Variants in SLC24A2 observed in about 807,000 individuals in gnomAD.
The protein encoded by SLC24A2 is solute carrier family 24 member 2, also known as sodium/potassium/calcium exchanger 2.
In SLC24A2, 36 loss-of-function variants were observed where a neutral mutation model predicts 62.0. The observed-to-expected ratio is 0.58, with a 90% CI of 0.44 to 0.77. The LOEUF is 0.77. Among genes scored for constraint, SLC24A2 ranks in the 30% least tolerant of loss-of-function variants. SLC24A2 has a pLI of 0.00. For synonymous variants in SLC24A2, 358 were observed against 294.0 expected (o/e 1.22, Z -2.23); for missense variants, 846 against 817.9 (o/e 1.03, Z -0.42).
At chr9:20,019,559 C>T in the SLC24A2 span, among the ~76,000 whole-genome samples, 2 of 152,146 alleles carry the variant, frequency 1.3e-5, no homozygotes, top group South Asian at 2.1e-4. Context: ...TGGTACCATA[C>T]AAAAACTAAC....
intron 2 of SLC24A2, among the ~76,000 whole-genome samples, chr9:19,702,777 A>T (rs1175682584): frequency 6.6e-6 from 1 of 152,158 alleles, no homozygotes; most frequent in Non-Finnish European, 1.5e-5. Flanking sequence ...TAAAATTTAA[A>T]TGTTTATTTA....
chr9:19,694,458 A>T (rs972564791), intron 2 of SLC24A2, among the ~76,000 whole-genome samples: 2 of 152,204 alleles, frequency 1.3e-5, no homozygotes, highest in Non-Finnish European at 2.9e-5. Context: ...TCGAGGACTT[A>T]TAATTTATTT....
the SLC24A2 span, among the ~76,000 whole-genome samples, chr9:19,830,667 G>A: frequency 1.3e-5 from 2 of 152,150 alleles, no homozygotes; most frequent in Non-Finnish European, 2.9e-5. Context: ...CAGCTCTGCA[G>A]TGTGGCAGAT....
the SLC24A2 span, among the ~76,000 whole-genome samples, chr9:20,238,738 G>C: frequency 6.6e-6 from 1 of 152,162 alleles, no homozygotes; most frequent in Admixed American, 6.6e-5. Context: ...TCAAATGTTT[G>C]TATTCTTCCA....
At position 19,542,655 on chromosome 9, in the gene SLC24A2, A is replaced by G. The variant is rs531136133; in HGVS notation, c.1479+7482T>C. 7.9e-5 allele frequency among the ~76,000 whole-genome samples: 12 copies of G among 152,254 alleles called. No homozygotes were observed. The South Asian group carries it at 2.5e-3, about 32-fold the overall frequency. ...AATTTTTTAGGATGAAGGGTGTTGA[A>G]TTTTTGTTGAAGGACTTTTCTGCAT... On this transcript the variant is annotated intron_variant, in intron 8 of 10. Coordinates refer to ENST00000341998, the MANE Select transcript of SLC24A2 (RefSeq NM_020344.4).
At chr9:19,893,653 G>A in the SLC24A2 span, among the ~76,000 whole-genome samples, 2 of 152,102 alleles carry the variant, frequency 1.3e-5, no homozygotes, top group Non-Finnish European at 2.9e-5. Flanking sequence ...ATATATAGGA[G>A]GAAACTGAGT....
At chr9:19,948,481 A>G in the SLC24A2 span, among the ~76,000 whole-genome samples, 1 of 152,372 alleles carries the variant, frequency 6.6e-6, no homozygotes, top group Non-Finnish European at 1.5e-5. Context: ...TAAAATAAAT[A>G]TATGTGAGAA....
intron 2 of SLC24A2, among the ~76,000 whole-genome samples, chr9:19,724,474 G>C (rs902343004): frequency 1.2e-4 from 19 of 152,280 alleles, no homozygotes; most frequent in African/African-American, 4.3e-4. Context: ...AGATGAACTG[G>C]GGAAATGTCT....
the SLC24A2 span, among the ~76,000 whole-genome samples, chr9:19,992,936 C>T: frequency 2.0e-4 from 31 of 152,284 alleles, no homozygotes; most frequent in East Asian, 5.2e-3. Flanking sequence ...CAAAGTCCTA[C>T]CAAAACATCT....
chr9:19,974,275 T>C, the SLC24A2 span, among the ~76,000 whole-genome samples: 1 of 152,180 alleles, frequency 6.6e-6, no homozygotes, highest in African/African-American at 2.4e-5. Flanking sequence ...AGAAGTACAG[T>C]GATTTAACAC....
At chr9:19,853,032 T>G in the SLC24A2 span, among the ~76,000 whole-genome samples, 1 of 152,118 alleles carries the variant, frequency 6.6e-6, no homozygotes, top group African/African-American at 2.4e-5. Flanking sequence ...GGTCCTTCAC[T>G]TCCCTTGTTA....
At chr9:19,935,669 T>C in the SLC24A2 span, among the ~76,000 whole-genome samples, 1 of 152,162 alleles carries the variant, frequency 6.6e-6, no homozygotes, top group Non-Finnish European at 1.5e-5. Context: ...GGTAGGTTCC[T>C]TGGCTGCCAC....
chr9:19,999,077 A>G, the SLC24A2 span, among the ~76,000 whole-genome samples: 1 of 152,178 alleles, frequency 6.6e-6, no homozygotes, highest in African/African-American at 2.4e-5. Context: ...GGGATCCCCA[A>G]TTTGTTCATC....
the SLC24A2 span, among the ~76,000 whole-genome samples, chr9:19,986,376 T>C: frequency 6.6e-6 from 1 of 151,176 alleles, no homozygotes; most frequent in South Asian, 2.1e-4. Context: ...AAACTGGCCG[T>C]TCCTCAAAAA....
rs139732950 is a variant in SLC24A2, at chr9:19,560,916, TAGAGAGAGAGAGAGAG to T, written c.1348-10664_1348-10649del. Among the ~76,000 whole-genome samples, 94 of 119,448 alleles carry T rather than the reference TAGAGAGAGAGAGAGAG, an allele frequency of 7.9e-4. 2 individuals carry two copies. In the South Asian group the frequency reaches 0.019, roughly 24 times the overall value. The allele number at this position is 119,448 out of a possible 152,430, so 78.4% of individuals were successfully genotyped here. ...GTGTGTGTATATATATATATATATA[TAGAGAGAGAGAGAGAG>T]AGAGAGAGAGAGAGACAGAGTCTTA... On this transcript the variant is annotated intron_variant, in intron 7 of 10. Transcript: ENST00000341998.
At chr9:19,808,671 G>GTTACAT in the SLC24A2 span, among the ~76,000 whole-genome samples, 1 of 152,188 alleles carries the variant, frequency 6.6e-6, no homozygotes, top group African/African-American at 2.4e-5. The surrounding 1 kb of genome is among the most constrained non-coding windows in gnomAD (Gnocchi z 4.1). Context: ...GCACTATGGG[G>GTTACAT]TTACAGTCTT....
chr9:20,053,132 T>A, the SLC24A2 span, among the ~76,000 whole-genome samples: 1 of 152,222 alleles, frequency 6.6e-6, no homozygotes, highest in African/African-American at 2.4e-5. Flanking sequence ...TAGTTAGTAA[T>A]GATGTGTTTG....
chr9:20,155,349 G>T, the SLC24A2 span, among the ~76,000 whole-genome samples: 1 of 151,708 alleles, frequency 6.6e-6, no homozygotes, highest in Non-Finnish European at 1.5e-5. Flanking sequence ...CATAGAGAAA[G>T]CAAGGACTCC....
chr9:19,882,679 A>T, the SLC24A2 span, among the ~76,000 whole-genome samples: 22 of 151,526 alleles, frequency 1.5e-4, no homozygotes, highest in African/African-American at 4.4e-4. Context: ...AAAAAAAAAA[A>T]ATAGAGAATA....
Sources: gnomAD v4.1 joint callset for allele counts (sites outside exome capture counted in the v4.1 genomes callset) on GRCh38, gnomAD v4.1.1 for gene constraint, Gnocchi (gnomAD v3.1) non-coding constraint, MANE v1.5 for transcripts, NCBI Gene and HGNC (gene_info 2026-07-23, HGNC 2026-07-21) for gene names.